ATP11A: variants seen among roughly 807,000 people sequenced by gnomAD.
The protein encoded by ATP11A is phospholipid-transporting ATPase IH.
Under a neutral mutation model 154.4 loss-of-function variants are expected in ATP11A, and 81 were observed. The observed-to-expected ratio is 0.52, with a 90% CI of 0.44 to 0.63. ATP11A has a LOEUF of 0.63. Among genes scored for constraint, ATP11A ranks in the 30% least tolerant of loss-of-function variants. The pLI, the probability that ATP11A is intolerant of heterozygous loss-of-function variation, is 0.00. For missense variants in ATP11A, 1,316 were observed against 1,474.3 expected, an observed-to-expected ratio of 0.89 and a Z score of 1.76; for synonymous variants, 623 against 585.9, an observed-to-expected ratio of 1.06 and a Z score of -0.91.
intron 1 of ATP11A, among the ~76,000 whole-genome samples, chr13:112,776,134 G>A (rs1329402254): frequency 1.3e-5 from 2 of 152,162 alleles, no homozygotes; most frequent in African/African-American, 2.4e-5. Context: ...TTGTTTCCAC[G>A]GGGATTCATG....
chr13:112,767,558 T>TGGAAAGG (rs2077125273), intron 1 of ATP11A, among the ~76,000 whole-genome samples: 1 of 151,506 alleles, frequency 6.6e-6, no homozygotes, highest in East Asian at 1.9e-4. Flanking sequence ...GGGGGTGCTG[T>TGGAAAGG]TGGGAGCCTG....
intron 29 of ATP11A, chr13:112,878,604 C>T: frequency 2.0e-6 from 1 of 490,894 alleles, no homozygotes; most frequent in Non-Finnish European, 3.7e-6. Context: ...GCCACATGAC[C>T]CCTCACACAG....
rs1250320232 is a variant in ATP11A, at chr13:112,857,834, A to G, written c.2435A>G (p.Lys812Arg). Reference sequence around the variant, plus strand: ...CTTTTGCAGATTGTTAAATTAATCAAATTTTCAAAAGAGCACCCAATCACG... The same window carrying G: ...CTTTTGCAGATTGTTAAATTAATCAGATTTTCAAAAGAGCACCCAATCACG... ...LQKAQIVKLIKFSKEHPITLA... is the reference protein window; with the variant it reads ...LQKAQIVKLIRFSKEHPITLA... Residue 812 changes from lysine (K) to arginine (R), a missense_variant, in exon 21 of 30, where the codon AAA becomes AGA. Around this residue, in one of 5 missense-constraint regions of ATP11A, gnomAD observed 876 missense variants for 1,006.8 expected, o/e 0.87. Coordinates refer to ENST00000375645, the MANE Select transcript of ATP11A (RefSeq NM_015205.3). 6.2e-7 allele frequency: 1 copy of G among 1,614,158 alleles called. No individual in the cohort carries two copies. Among genetic ancestry groups the G allele is most frequent in the East Asian group, 2.2e-5 (1 of 44,892 alleles).
At chr13:112,837,270 T>C (rs1309497874) in intron 16 of ATP11A, among the ~76,000 whole-genome samples, 9 of 152,230 alleles carry the variant, frequency 5.9e-5, no homozygotes, top group Admixed American at 5.9e-4. Flanking sequence ...GCCCCCACAG[T>C]GGCCTTGTTC....
At chr13:112,729,577 A>T (rs565642857) in intron 1 of ATP11A, among the ~76,000 whole-genome samples, 2 of 151,738 alleles carry the variant, frequency 1.3e-5, no homozygotes, top group East Asian at 3.9e-4. Context: ...GAGTGTGAAC[A>T]ATGTTGGAAG....
At chr13:112,881,843 G>C in intron 29 of ATP11A, 33 bp from the exon 30 acceptor site, 1 of 1,367,642 alleles carries the variant, frequency 7.3e-7, no homozygotes, top group Non-Finnish European at 9.8e-7. Flanking sequence ...TCGGGACCGC[G>C]ACTCAGAATT....
chr13:112,870,630 G>A (rs2080486445), intron 25 of ATP11A, among the ~76,000 whole-genome samples: 1 of 152,158 alleles, frequency 6.6e-6, no homozygotes, highest in Non-Finnish European at 1.5e-5. Context: ...GCCCACCTCG[G>A]CCTCCCAAAG....
intron 1 of ATP11A, among the ~76,000 whole-genome samples, chr13:112,711,643 G>A (rs565007805): frequency 2.6e-5 from 4 of 152,288 alleles, no homozygotes; most frequent in Non-Finnish European, 5.9e-5. Context: ...AGCGGGCACC[G>A]TGCGTTGAGC....
At chr13:112,855,835 T>C in intron 19 of ATP11A, 76 bp from the exon 20 acceptor site, 2 of 1,372,520 alleles carry the variant, frequency 1.5e-6, no homozygotes, top group African/African-American at 1.4e-5. Flanking sequence ...TCTGTCGATA[T>C]CCAAAAACAA....
chr13:112,822,043 C>T (rs1000792418), intron 8 of ATP11A, among the ~76,000 whole-genome samples: 17 of 152,166 alleles, frequency 1.1e-4, no homozygotes, highest in African/African-American at 3.4e-4. Flanking sequence ...TGAGGTCTAT[C>T]GACCAAATAT....
rs1300162902 is a variant in ATP11A at position 112,875,952 on chromosome 13, T to TC, written c.3327+15dup. The TC allele has an allele frequency of 6.2e-7, 1 of 1,601,536 alleles. No individual in the cohort carries two copies. The highest frequency in any genetic ancestry group is 8.5e-7 in the Non-Finnish European group (1 of 1,174,584). On this transcript the variant is annotated intron_variant, in intron 28 of 29. Transcript: ENST00000375645. The surrounding 1 kb of genome is among the most constrained non-coding windows in gnomAD (Gnocchi z 4.1). ...ACAGAGAGAGTCCAGGTACGGAGTG[T>TC]CCCCAGCCGGGGCGGGGGTGCCTCA...
chr13:112,878,366 A>T, intron 29 of ATP11A, 63 bp downstream of exon 29: 1 of 1,556,732 alleles, frequency 6.4e-7, no homozygotes, highest in Non-Finnish European at 8.8e-7. Context: ...GGCCATGCCC[A>T]TCACCAGAGC....
At chr13:112,760,734 AC>A (rs1446838464) in intron 1 of ATP11A, among the ~76,000 whole-genome samples, 1 of 152,216 alleles carries the variant, frequency 6.6e-6, no homozygotes, top group Admixed American at 6.5e-5. Context: ...ATAGTTGTTA[AC>A]AGTTCTGCCA....
intron 1 of ATP11A, among the ~76,000 whole-genome samples, chr13:112,731,880 C>A (rs1890512775): frequency 6.9e-6 from 1 of 144,014 alleles, no homozygotes; most frequent in African/African-American, 2.7e-5. Context: ...GTGCATGGGA[C>A]AGTGGCAGTC....
chr13:112,868,448 C>A (rs1233617158), intron 25 of ATP11A, among the ~76,000 whole-genome samples: 5 of 152,300 alleles, frequency 3.3e-5, no homozygotes, highest in African/African-American at 1.2e-4. Context: ...GCTTAGCCTG[C>A]AGTGGTGGAG....
intron 1 of ATP11A, among the ~76,000 whole-genome samples, chr13:112,695,277 C>G (rs1885671371): frequency 6.6e-6 from 1 of 152,206 alleles, no homozygotes; most frequent in Non-Finnish European, 1.5e-5. Context: ...TAATCTGTCT[C>G]CAGCAGTGTG....
At position 112,886,825 on chromosome 13, in the gene ATP11A, T is replaced by C. The variant is rs2080987614; in HGVS notation, c.*4959T>C. The C allele has an allele frequency of 6.6e-6, 1 of 152,496 alleles. No homozygotes were observed. The highest frequency in any genetic ancestry group is 2.4e-5 in the African/African-American group (1 of 41,474). 9.4% of individuals were successfully genotyped at this position (152,496 alleles called of 1,614,324 possible). A position where few individuals can be genotyped will look rare whatever the true frequency, so the allele number is the denominator to read the frequency against. On this transcript the variant is annotated 3_prime_UTR_variant, in exon 30 of 30. Coordinates refer to ENST00000375645, the MANE Select transcript of ATP11A (RefSeq NM_015205.3). ...AAAAGAAGGTCTTCAAAAATGTATT[T>C]AACATGAATGGTATCCATAGTTGTC...
intron 1 of ATP11A, among the ~76,000 whole-genome samples, chr13:112,769,982 C>G (rs951532881): frequency 6.6e-6 from 1 of 152,036 alleles, no homozygotes. Context: ...ATCAGCGTTA[C>G]GTTTGCTCCT....
chr13:112,775,285 C>T (rs1218170043), intron 1 of ATP11A, among the ~76,000 whole-genome samples: 1 of 152,250 alleles, frequency 6.6e-6, no homozygotes, highest in Non-Finnish European at 1.5e-5. Context: ...AAACAGCGCC[C>T]CTCTCTGCTG....
Sources: allele counts gnomAD v4.1 joint callset (sites outside exome capture counted in the v4.1 genomes callset), GRCh38; gene constraint gnomAD v4.1.1; regional missense constraint gnomAD v4.1.1; non-coding constraint Gnocchi (gnomAD v3.1); transcripts MANE v1.5; gene names NCBI Gene and HGNC (gene_info 2026-07-23, HGNC 2026-07-21).